Variants in PRX observed in about 807,000 individuals in gnomAD.
The protein encoded by PRX is periaxin.
PRX carries 24 observed loss-of-function variants against 29.6 expected under a neutral mutation model. That is an observed-to-expected ratio of 0.81 (90% CI 0.59 to 1.14). The LOEUF is 1.14. Among genes scored for constraint, PRX ranks in the 50% most tolerant of loss-of-function variants. PRX has a pLI of 0.00. For missense variants in PRX, 1,838 were observed against 1,926.4 expected, an observed-to-expected ratio of 0.95 and a Z score of 0.86; for synonymous variants, 772 against 831.7, an observed-to-expected ratio of 0.93 and a Z score of 1.24.
chr19:40,398,905 T>C lies in PRX; in HGVS notation c.185-89A>G. ...GCCCACTTGCACGGAGCCCTCGCGG[T>C]GAGGACCCGCCCCAAATTTTAGTTT... On this transcript the variant is annotated intron_variant, in intron 5 of 6. Transcript: ENST00000324001. This position sits in a 1 kb window ranked among gnomAD's most constrained non-coding sequence, Gnocchi z 6.3. The C allele has an allele frequency of 6.3e-7, 1 of 1,586,366 alleles. No homozygotes were observed. Among genetic ancestry groups the C allele is most frequent in the Non-Finnish European group, 8.6e-7 (1 of 1,165,932 alleles).
rs1401482223 is a variant in PRX, at chr19:40,397,464, C to T, written c.888G>A (p.Glu296=). ...TGGGCAGTGAGGGCAAGGCAGGCAG[C>T]TCCACCTGGGGGACCTGGATTCCCA... ...PAVGIQVPQV[E]LPALPSLPTL... is the part of the protein sequence containing the mutation. The change falls in exon 7 of 7, where the codon GAG becomes GAA. Residue 296 remains glutamate (E), a synonymous_variant. Coordinates refer to ENST00000324001, the MANE Select transcript of PRX (RefSeq NM_181882.3). The T allele has an allele frequency of 3.2e-6, 5 of 1,580,138 alleles. No homozygotes were observed. In the Admixed American group the frequency reaches 5.5e-5, roughly 17 times the overall value.
chr19:40,409,868 A>G (rs186064294), intron 1 of PRX, among the ~76,000 whole-genome samples: 113 of 152,272 alleles, frequency 7.4e-4, no homozygotes, highest in African/African-American at 2.5e-3. Flanking sequence ...GCCTTGTGCA[A>G]TCAGCTACTA....
intron 5 of PRX, 25 bp downstream of exon 5, chr19:40,403,681 C>G (rs930006084): frequency 1.3e-6 from 2 of 1,534,664 alleles, no homozygotes; most frequent in Non-Finnish European, 1.8e-6. Context: ...AGTTCGACCC[C>G]GCCCCACACC....
At chr19:40,411,465 G>T (rs2079558488) in intron 1 of PRX, among the ~76,000 whole-genome samples, 1 of 152,174 alleles carries the variant, frequency 6.6e-6, no homozygotes, top group Non-Finnish European at 1.5e-5. Flanking sequence ...AACCTTGTAG[G>T]TGGTAGTAGA....
chr19:40,403,944 C>CATATACATATAT, intron 4 of PRX, 82 bp from the exon 5 acceptor site: 1 of 1,422,860 alleles, frequency 7.0e-7, no homozygotes, highest in African/African-American at 1.4e-5. Context: ...AACAGTGGCT[C>CATATACATATAT]ATATACATAT....
In PRX at chr19:40,398,305, G is replaced by A. The variant is rs2079461874; in HGVS notation, c.381+315C>T. ...CAACTTTGTCCAGGGCCACTCAGCA[G>A]TAATTGGGCCAGCACTCAGGCTGGA... On this transcript the variant is annotated intron_variant, in intron 6 of 6. Coordinates refer to ENST00000324001, the MANE Select transcript of PRX (RefSeq NM_181882.3). The surrounding 1 kb of genome is among the most constrained non-coding windows in gnomAD (Gnocchi z 6.3). 1.4e-6 allele frequency: 2 copies of A among 1,422,796 alleles called. No homozygotes were observed. The highest frequency in any genetic ancestry group is 1.8e-6 in the Non-Finnish European group (2 of 1,092,594). The allele number at this position is 1,422,796 out of a possible 1,614,324, so 88.1% of individuals were successfully genotyped here. A position where few individuals can be genotyped will look rare whatever the true frequency, so the allele number is the denominator to read the frequency against.
chr19:40,408,028 G>A lies in PRX; in HGVS notation c.-96C>T. 6.5e-7 allele frequency: 1 copy of A among 1,534,702 alleles called. No homozygotes were observed. Among genetic ancestry groups the A allele is most frequent in the Non-Finnish European group, 8.9e-7 (1 of 1,121,358 alleles). On this transcript the variant is annotated 5_prime_UTR_variant, in exon 4 of 7. Transcript: ENST00000324001. ...AGTTCTGCATGGAGCAGCTGCCTCT[G>A]AGCCTGTGGGAGGACAGCAGTGGAG...
Position 40,394,730 on chromosome 19 carries a change from C to T in PRX, c.3622G>A (p.Glu1208Lys), listed in dbSNP as rs767504243. 18 of 1,613,056 alleles carry T rather than the reference C, an allele frequency of 1.1e-5. No homozygotes were observed. The highest frequency in any genetic ancestry group is 1.5e-5 in the Non-Finnish European group (18 of 1,180,020). The change falls in exon 7 of 7, where the codon GAG becomes AAG. Residue 1208 changes from glutamate to lysine, a missense_variant. Glu to Lys is a moderately conservative substitution (Grantham distance 56, BLOSUM62 1). Coordinates refer to ENST00000324001, the MANE Select transcript of PRX (RefSeq NM_181882.3). This position sits in a 1 kb window ranked among gnomAD's most constrained non-coding sequence, Gnocchi z 5.8. The part of the protein sequence containing the change: ...QVAGGELLVG[E>K]GVFKMPTVTV... Reference sequence around the variant, plus strand: ...ACGGTGGGCATCTTAAAGACACCCTCACCCACCAGCAGCTCACCACCTGCA... The same window carrying T: ...ACGGTGGGCATCTTAAAGACACCCTTACCCACCAGCAGCTCACCACCTGCA...
At chr19:40,405,626 C>CTTT (rs1167458782) in intron 4 of PRX, among the ~76,000 whole-genome samples, 14 of 74,434 alleles carry the variant, frequency 1.9e-4, no homozygotes, top group Admixed American at 3.3e-4. Context: ...TGCAGAATCT[C>CTTT]TTTTTTTTTT....
At chr19:40,404,209 G>A (rs2079516422) in intron 4 of PRX, among the ~76,000 whole-genome samples, 1 of 152,230 alleles carries the variant, frequency 6.6e-6, no homozygotes, top group Non-Finnish European at 1.5e-5. Context: ...GCAAGCCTGA[G>A]GGCAGCTGGC....
intron 1 of PRX, among the ~76,000 whole-genome samples, chr19:40,410,358 G>A (rs114258448): frequency 0.051 from 7,685 of 152,146 alleles, 225 homozygotes; most frequent in Middle Eastern, 0.11. Context: ...TTCCGCCCCT[G>A]CCCACCCACC....
intron 1 of PRX, among the ~76,000 whole-genome samples, chr19:40,411,443 A>G (rs895589886): frequency 2.0e-5 from 3 of 152,180 alleles, no homozygotes; most frequent in Non-Finnish European, 4.4e-5. Flanking sequence ...AGCTGGGGAC[A>G]CGAGAAGCCT....
rs756103463 is a variant in PRX, at chr19:40,394,446, G to T, written c.3906C>A (p.His1302Gln). The change falls in exon 7 of 7, where the codon CAC (histidine) becomes CAA (glutamine). Residue 1302 changes from histidine to glutamine, a missense_variant. Coordinates refer to ENST00000324001, the MANE Select transcript of PRX (RefSeq NM_181882.3). This position sits in a 1 kb window ranked among gnomAD's most constrained non-coding sequence, Gnocchi z 5.8. ...QVAEGEGEAG[H>Q]KLKVRLPRFG... ...ACCGGGGCAGCCGTACCTTGAGCTT[G>T]TGTCCGGCCTCTCCCTCCCCCTCTG... The T allele has an allele frequency of 8.7e-6, 14 of 1,602,164 alleles. No homozygotes were observed. The Admixed American group carries it at 1.0e-4, about 12-fold the overall frequency.
Position 40,403,732 on chromosome 19 carries a change from G to A in PRX, c.158C>T (p.Ala53Val). Residue 53 changes from alanine to valine, a missense_variant, in exon 5 of 7, where the codon GCC (alanine) becomes GTC (valine). Ala to Val is a moderately conservative substitution (Grantham distance 64). Around this residue, in one of 3 missense-constraint regions of PRX, gnomAD observed 666 missense variants for 665.0 expected, o/e 1.00. Transcript: ENST00000324001. ...TTCCTGCAGGCTGAGGCTCCTGGCG[G>A]CGGGTGAGTCCTCGCGCAGCTCCCG... ...FVRELREDSP[A>V]ARSLSLQEGD... 1.9e-6 allele frequency: 3 copies of A among 1,566,800 alleles called. No homozygotes were observed. Among genetic ancestry groups the A allele is most frequent in the Non-Finnish European group, 2.6e-6 (3 of 1,156,964 alleles).
At chr19:40,407,581 C>A in intron 4 of PRX, 1 of 488,218 alleles carries the variant, frequency 2.0e-6, no homozygotes. Context: ...AATTCCAGGC[C>A]TGCGCCACTG....
Position 40,397,793 on chromosome 19 carries a change from G to A in PRX, c.559C>T (p.Arg187Cys), listed in dbSNP as rs768929130. ...GPVPAAPARR[R>C]LQLPRLRVRE... The stretch of plus-strand genomic sequence containing the variant: ...ACACGCAGCCGAGGCAGCTGGAGGC[G>A]CCGGCGGGCAGGGGCAGCCGGGACA... The change falls in exon 7 of 7, where the codon CGC becomes TGC. Residue 187 changes from arginine to cysteine, a missense_variant. Transcript: ENST00000324001. 63 of 1,576,032 alleles carry A rather than the reference G, an allele frequency of 4.0e-5. No individual in the cohort carries two copies. The highest frequency in any genetic ancestry group is 1.7e-4 in the Middle Eastern group (1 of 6,022).
At chr19:40,406,190 T>C (rs1464180700) in intron 4 of PRX, among the ~76,000 whole-genome samples, 3 of 147,064 alleles carry the variant, frequency 2.0e-5, no homozygotes, top group Admixed American at 6.9e-5. Flanking sequence ...GAGGTTGCAG[T>C]GAGCTGAGAT....
At position 40,394,272 on chromosome 19, in the gene PRX, TTCCTCC is replaced by T. The variant is rs139624657; in HGVS notation, c.4074_4079del (p.Glu1360_Glu1361del). 1,357 of 1,604,056 alleles carry T rather than the reference TTCCTCC, an allele frequency of 8.5e-4. 9 individuals carry two copies. In the African/African-American group the frequency reaches 0.016, roughly 19 times the overall value. ...CCGAGGCCCCTTCCCCACTGCCCTC[TTCCTCC>T]TCCTCCTCCTCCTCCTCGGGGCTGG... is the stretch of plus-strand genomic sequence containing the variant. On this transcript the variant is annotated inframe_deletion, in exon 7 of 7. Coordinates refer to ENST00000324001, the MANE Select transcript of PRX (RefSeq NM_181882.3). The surrounding 1 kb of genome is among the most constrained non-coding windows in gnomAD (Gnocchi z 5.8).
chr19:40,393,881 T>G lies in PRX; in HGVS notation c.*85A>C. On this transcript the variant is annotated 3_prime_UTR_variant, in exon 7 of 7. Transcript: ENST00000324001. ...TCAGTCACCCACCTCCCGGCCCTCT[T>G]AGGGTTAGTGCTAGTTATCACACAC... is the stretch of plus-strand genomic sequence containing the variant. The G allele has an allele frequency of 6.3e-7, 1 of 1,593,092 alleles. No individual in the cohort carries two copies. The highest frequency in any genetic ancestry group is 8.5e-7 in the Non-Finnish European group (1 of 1,175,444).
Sources: gnomAD v4.1 joint callset for allele counts (sites outside exome capture counted in the v4.1 genomes callset) on GRCh38, gnomAD v4.1.1 for gene constraint, gnomAD v4.1.1 regional missense constraint, Gnocchi (gnomAD v3.1) non-coding constraint, MANE v1.5 for transcripts, NCBI Gene and HGNC (gene_info 2026-07-23, HGNC 2026-07-21) for gene names.